ZNF345: variants seen among roughly 807,000 people sequenced by gnomAD.
The protein encoded by ZNF345 is zinc finger protein HZF10.
For synonymous variants in ZNF345, 166 were observed against 187.9 expected, an observed-to-expected ratio of 0.88 and a Z score of 0.95; for missense variants, 527 against 589.9, an observed-to-expected ratio of 0.89 and a Z score of 1.10.
At chr19:36,892,096 C>G (rs990622782) in intron 3 of ZNF345, 2 of 1,613,948 alleles carry the variant, frequency 1.2e-6, no homozygotes, top group Non-Finnish European at 1.7e-6. Context: ...AGTGTGAATC[C>G]TCTGATGTTG....
chr19:36,852,117 T>C (rs2072282898), intron 2 of ZNF345, among the ~76,000 whole-genome samples: 1 of 133,982 alleles, frequency 7.5e-6, no homozygotes, highest in East Asian at 2.3e-4. Flanking sequence ...TTCTTTTTTT[T>C]TTCTTTCTTT....
At chr19:36,891,724 T>G in intron 3 of ZNF345, 1 of 1,614,156 alleles carries the variant, frequency 6.2e-7, no homozygotes, top group Non-Finnish European at 8.5e-7. Context: ...CTTTCTACAT[T>G]CTTCACATTC....
At chr19:36,890,686 CAAAAAAAA>C (rs71171475) in intron 3 of ZNF345, 2 of 84,088 alleles carry the variant, frequency 2.4e-5, no homozygotes, top group Non-Finnish European at 4.9e-5. Flanking sequence ...ACTAAAAATA[CAAAAAAAA>C]AAAAAAAAAA....
chr19:36,889,762 T>A (rs2073032806), intron 3 of ZNF345: 1 of 152,192 alleles, frequency 6.6e-6, no homozygotes. Context: ...GTTCTCAGTC[T>A]CATTTTTGCC....
chr19:36,850,383 G>C (rs887251325), upstream of ZNF345: 1 of 152,300 alleles, frequency 6.6e-6, no homozygotes, highest in African/African-American at 2.4e-5. Context: ...GCTTGCCCCA[G>C]AGGACTTAAA....
intron 3 of ZNF345, among the ~76,000 whole-genome samples, chr19:36,886,950 C>T (rs1223103382): frequency 7.1e-6 from 1 of 140,506 alleles, no homozygotes; most frequent in African/African-American, 2.7e-5. Flanking sequence ...GCCGGGATAG[C>T]GCCACTGCAG....
rs1439175371 is a variant in ZNF345 at position 36,892,816 on chromosome 19, A to T, written c.47-2A>T. 1.3e-6 allele frequency: 1 copy of T among 779,130 alleles called. No individual in the cohort carries two copies. Among genetic ancestry groups the T allele is most frequent in the African/African-American group, 1.8e-5 (1 of 55,266 alleles). The allele number at this position is 779,130 out of a possible 1,614,324, so 48.3% of individuals were successfully genotyped here. On this transcript the variant is annotated splice_acceptor_variant, in intron 3 of 3. Transcript: ENST00000526123. LOFTEE classifies it high-confidence loss of function. ...AAAAAATTTTTTTTGCCCCCACCCC[A>T]GATCCCCCACAGGCGCTGCCTGAGA...
chr19:36,886,662 A>G lies in ZNF345; in HGVS notation c.47-6156A>G, dbSNP rs201065705. On this transcript the variant is annotated intron_variant, in intron 3 of 3. Coordinates refer to the ZNF345 transcript ENST00000526123. ...GGAGTTCGAGACCAGCCTGGCCAACATGGTGAAGCCCCGTCTCTACTAAAA... is the reference window on the plus strand; with the variant it reads ...GGAGTTCGAGACCAGCCTGGCCAACGTGGTGAAGCCCCGTCTCTACTAAAA... Among the ~76,000 whole-genome samples, 3 of 152,122 alleles carry G rather than the reference A, an allele frequency of 2.0e-5. No individual in the cohort carries two copies. The East Asian group carries it at 5.8e-4, about 30-fold the overall frequency.
chr19:36,876,902 T>C lies in ZNF345; in HGVS notation c.72T>C (p.Phe24=). The C allele has an allele frequency of 6.2e-7, 1 of 1,614,062 alleles. No homozygotes were observed. Residue 24 remains phenylalanine (F), a synonymous_variant, in exon 3 of 3, where the codon TTT becomes TTC. Coordinates refer to ENST00000420450, the MANE Select transcript of ZNF345 (RefSeq NM_001242472.2). ...GTGATTGGGAATGTAAAAACCAGTT[T>C]GAGAGAAAACAGGGATCTCAGGAAG... is the stretch of plus-strand genomic sequence containing the variant. ...FRGDWECKNQ[F]ERKQGSQEGH... is the part of the protein sequence containing the mutation.
At chr19:36,854,758 C>G (rs1287029643) in intron 2 of ZNF345, among the ~76,000 whole-genome samples, 1 of 151,906 alleles carries the variant, frequency 6.6e-6, no homozygotes, top group Non-Finnish European at 1.5e-5. Context: ...TATTTATTGT[C>G]TAATATTTTT....
At chr19:36,860,425 C>G (rs1342998827) in intron 2 of ZNF345, among the ~76,000 whole-genome samples, 1 of 152,174 alleles carries the variant, frequency 6.6e-6, no homozygotes, top group Admixed American at 6.6e-5. Flanking sequence ...TACCCTTTCT[C>G]CTCATCTATC....
Position 36,879,008 on chromosome 19 carries a change from T to A in ZNF345, c.*711T>A, listed in dbSNP as rs1412048776. 6.2e-6 allele frequency: 1 copy of A among 161,650 alleles called. No individual in the cohort carries two copies. Among genetic ancestry groups the A allele is most frequent in the Non-Finnish European group, 1.5e-5 (1 of 68,124 alleles). 10.0% of individuals were successfully genotyped at this position (161,650 alleles called of 1,614,324 possible). ...CCCGCCACCACGCCCAGCTAATTTT[T>A]TGTATTTTCATTAGAGATGGGGTTT... On this transcript the variant is annotated 3_prime_UTR_variant, in exon 3 of 3. Coordinates refer to ENST00000420450, the MANE Select transcript of ZNF345 (RefSeq NM_001242472.2).
chr19:36,891,786 A>C, intron 3 of ZNF345: 1 of 1,614,106 alleles, frequency 6.2e-7, no homozygotes, highest in East Asian at 2.2e-5. Context: ...GTGTTGAGGC[A>C]CTATTAAAGG....
At chr19:36,876,704 A>T in intron 2 of ZNF345, 81 bp from the exon 3 acceptor site, 4 of 903,916 alleles carry the variant, frequency 4.4e-6, no homozygotes, top group Non-Finnish European at 6.5e-6. Flanking sequence ...AATTGTAGTT[A>T]AGTCTTTCGT....
chr19:36,854,846 T>A (rs917942631), intron 2 of ZNF345, among the ~76,000 whole-genome samples: 1 of 151,198 alleles, frequency 6.6e-6, no homozygotes, highest in Non-Finnish European at 1.5e-5. Context: ...ATTTCTTTTT[T>A]TTCTTTTCTT....
At chr19:36,891,584 T>G (rs749717750) in intron 3 of ZNF345, 1 of 1,613,606 alleles carries the variant, frequency 6.2e-7, no homozygotes, top group Admixed American at 1.7e-5. Context: ...TTCTCACCAG[T>G]GTGAATTCTC....
At chr19:36,872,716 AGG>A (rs2072795446) in intron 2 of ZNF345, 1 of 152,242 alleles carries the variant, frequency 6.6e-6, no homozygotes, top group South Asian at 2.1e-4. Flanking sequence ...AAGTAGACTA[AGG>A]CATCAAGTTT....
intron 3 of ZNF345, chr19:36,892,142 A>G (rs2146224033): frequency 6.2e-7 from 1 of 1,614,076 alleles, no homozygotes; most frequent in South Asian, 1.1e-5. Context: ...GCCTTGCCAC[A>G]TTCCTTACAT....
intron 2 of ZNF345, among the ~76,000 whole-genome samples, chr19:36,872,159 G>T (rs887330730): frequency 6.6e-6 from 1 of 152,114 alleles, no homozygotes; most frequent in African/African-American, 2.4e-5. Context: ...GCTTTCTCAT[G>T]TATAGGAAGC....
Sources: allele counts gnomAD v4.1 joint callset (sites outside exome capture counted in the v4.1 genomes callset), GRCh38; gene constraint gnomAD v4.1.1; transcripts MANE v1.5; gene names NCBI Gene and HGNC (gene_info 2026-07-23, HGNC 2026-07-21).